The following SUSD1 variants were observed in gnomAD, a reference collection of about 807,000 sequenced individuals.
SUSD1 encodes the protein sushi domain containing 1.
Under a neutral mutation model 86.9 loss-of-function variants are expected in SUSD1, and 65 were observed. The observed-to-expected ratio is 0.75, with a 90% CI of 0.61 to 0.92. SUSD1 has a LOEUF of 0.92. SUSD1 is among the 40% of genes least tolerant of loss of function. The pLI, the probability that SUSD1 is intolerant of heterozygous loss-of-function variation, is 0.00. For synonymous variants in SUSD1, 346 were observed against 350.0 expected, an observed-to-expected ratio of 0.99 and a Z score of 0.13; for missense variants, 850 against 929.7, an observed-to-expected ratio of 0.91 and a Z score of 1.11.
intron 8 of SUSD1, among the ~76,000 whole-genome samples, chr9:112,107,572 A>C (rs190528314): frequency 1.3e-5 from 2 of 152,328 alleles, no homozygotes; most frequent in East Asian, 3.9e-4. Flanking sequence ...CTCTCAATAC[A>C]TGCTGTCTCC....
At chr9:112,078,973 C>T (rs1414972453) in intron 11 of SUSD1, among the ~76,000 whole-genome samples, 1 of 151,938 alleles carries the variant, frequency 6.6e-6, no homozygotes, top group Non-Finnish European at 1.5e-5. Context: ...GCCACCACAT[C>T]CAGCTAATTT....
chr9:112,065,180 A>G (rs1291259692), intron 12 of SUSD1, among the ~76,000 whole-genome samples: 1 of 152,196 alleles, frequency 6.6e-6, no homozygotes, highest in Non-Finnish European at 1.5e-5. Flanking sequence ...GGTTCTACCA[A>G]TTGATCTGGC....
intron 12 of SUSD1, among the ~76,000 whole-genome samples, chr9:112,065,562 T>A (rs1828941457): frequency 6.6e-6 from 1 of 152,104 alleles, no homozygotes; most frequent in African/African-American, 2.4e-5. Context: ...CCCAAAGATT[T>A]TACAAACACA....
At chr9:112,089,811 CAAAAAAAAA>C (rs3983407) in intron 10 of SUSD1, among the ~76,000 whole-genome samples, 2 of 115,952 alleles carry the variant, frequency 1.7e-5, no homozygotes, top group Non-Finnish European at 1.9e-5. Flanking sequence ...GATTCCATCT[CAAAAAAAAA>C]AAAAAAAAAA....
intron 12 of SUSD1, among the ~76,000 whole-genome samples, chr9:112,077,824 T>C (rs1235204684): frequency 6.6e-6 from 1 of 152,068 alleles, no homozygotes; most frequent in Non-Finnish European, 1.5e-5. Flanking sequence ...CTTAAAGTAC[T>C]TGCAACAGGA....
rs763367795 is a variant in SUSD1, at chr9:112,157,480, A to T, written c.217+20T>A. Reference sequence around the variant, plus strand: ...TTTCTCGATTCAGCTTTTCAACTTAACCCAGAGTTCAGAACTTACCAACAC... The same window carrying T: ...TTTCTCGATTCAGCTTTTCAACTTATCCCAGAGTTCAGAACTTACCAACAC... On this transcript the variant is annotated intron_variant, in intron 2 of 16. Coordinates refer to ENST00000374270, the MANE Select transcript of SUSD1 (RefSeq NM_022486.5). 6.4e-7 allele frequency: 1 copy of T among 1,558,868 alleles called. No homozygotes were observed. Among genetic ancestry groups the T allele is most frequent in the South Asian group, 1.1e-5 (1 of 88,240 alleles).
At chr9:112,126,987 T>C (rs1227238371) in intron 5 of SUSD1, among the ~76,000 whole-genome samples, 4 of 152,176 alleles carry the variant, frequency 2.6e-5, no homozygotes, top group Non-Finnish European at 1.5e-5. Context: ...CTCAAAATGA[T>C]AGAATGATAC....
chr9:112,124,042 T>G (rs1398680475), intron 6 of SUSD1, among the ~76,000 whole-genome samples: 1 of 152,058 alleles, frequency 6.6e-6, no homozygotes, highest in African/African-American at 2.4e-5. Context: ...TCTCAAAAGA[T>G]GGATGCATAA....
chr9:112,122,109 C>T (rs1831579537), intron 6 of SUSD1, among the ~76,000 whole-genome samples: 1 of 152,188 alleles, frequency 6.6e-6, no homozygotes, highest in African/African-American at 2.4e-5. Context: ...GCTCAGAATG[C>T]CTGGCCTAAT....
chr9:112,134,579 G>A (rs1832174571), intron 5 of SUSD1, among the ~76,000 whole-genome samples: 1 of 152,044 alleles, frequency 6.6e-6, no homozygotes, highest in Non-Finnish European at 1.5e-5. Context: ...ATAAAGATGA[G>A]AACGACAGAC....
intron 1 of SUSD1, among the ~76,000 whole-genome samples, chr9:112,170,965 G>A (rs749601359): frequency 3.4e-4 from 51 of 152,124 alleles, no homozygotes; most frequent in Middle Eastern, 3.4e-3. Flanking sequence ...CACCCACCTC[G>A]GCTTCCCAAA....
chr9:112,170,669 A>G (rs571021430), intron 1 of SUSD1, among the ~76,000 whole-genome samples: 119 of 151,402 alleles, frequency 7.9e-4, no homozygotes, highest in African/African-American at 2.8e-3. Flanking sequence ...CAGACTGAAT[A>G]TACAAATGGA....
chr9:112,082,603 C>A (rs9408834), intron 10 of SUSD1, among the ~76,000 whole-genome samples: 5 of 151,926 alleles, frequency 3.3e-5, no homozygotes, highest in African/African-American at 9.7e-5. Context: ...AGATACCCCC[C>A]GCCCCTGAAG....
At chr9:112,078,398 C>T (rs1439071336) in intron 12 of SUSD1, 140 bp downstream of exon 12, 3 of 819,372 alleles carry the variant, frequency 3.7e-6, no homozygotes, top group Non-Finnish European at 3.7e-6. Context: ...TAAGGCACCT[C>T]TCCAATTCCA....
At chr9:112,122,256 G>A (rs906362460) in intron 6 of SUSD1, among the ~76,000 whole-genome samples, 5 of 152,098 alleles carry the variant, frequency 3.3e-5, no homozygotes, top group Admixed American at 6.5e-5. Flanking sequence ...TGTCTCCTGG[G>A]TTCAAGCAAT....
intron 5 of SUSD1, among the ~76,000 whole-genome samples, chr9:112,130,461 G>A (rs1229051041): frequency 6.7e-6 from 1 of 149,162 alleles, no homozygotes; most frequent in East Asian, 2.0e-4. Context: ...GAGAGGGAGA[G>A]GAGAGGCAGA....
intron 12 of SUSD1, among the ~76,000 whole-genome samples, chr9:112,076,906 G>A (rs549892200): frequency 9.9e-5 from 15 of 152,244 alleles, no homozygotes; most frequent in African/African-American, 3.4e-4. Flanking sequence ...TTGGCAAGAC[G>A]GAGATCAAAC....
chr9:112,110,933 G>A lies in SUSD1; in HGVS notation c.1171+721C>T, dbSNP rs7049061. 2.4e-3 allele frequency among the ~76,000 whole-genome samples: 358 copies of A among 152,056 alleles called. 1 individual carries two copies. The highest frequency in any genetic ancestry group is 8.4e-3 in the African/African-American group (349 of 41,504). ...AACTTGATCTCTTTAAAGCTGCTGGGTCAGCCTCCCTGGCACCTCCTCTTT... is the reference window on the plus strand; with the variant it reads ...AACTTGATCTCTTTAAAGCTGCTGGATCAGCCTCCCTGGCACCTCCTCTTT... On this transcript the variant is annotated intron_variant, in intron 8 of 16. Coordinates refer to ENST00000374270, the MANE Select transcript of SUSD1 (RefSeq NM_022486.5).
intron 2 of SUSD1, among the ~76,000 whole-genome samples, chr9:112,154,218 G>A (rs563616118): frequency 6.6e-6 from 1 of 151,852 alleles, no homozygotes; most frequent in African/African-American, 2.4e-5. Context: ...GCCAGGTGCA[G>A]TAGCTCACAC....
Sources: allele counts gnomAD v4.1 joint callset (sites outside exome capture counted in the v4.1 genomes callset), GRCh38; gene constraint gnomAD v4.1.1; transcripts MANE v1.5; gene names NCBI Gene and HGNC (gene_info 2026-07-23, HGNC 2026-07-21).